The following CSPP1 variants were observed in gnomAD, a reference collection of about 807,000 sequenced individuals.
The protein encoded by CSPP1 is centrosome and spindle pole associated protein 1.
Under a neutral mutation model 164.4 loss-of-function variants are expected in CSPP1, and 126 were observed. The ratio of observed to expected loss-of-function variants is 0.77; its 90% CI spans 0.66 to 0.89. The LOEUF (loss-of-function observed/expected upper bound fraction) is 0.89. Among genes scored for constraint, CSPP1 ranks in the 40% least tolerant of loss-of-function variants. The pLI is 0.00. For missense variants in CSPP1, 1,395 were observed against 1,449.8 expected (o/e 0.96, Z 0.61); for synonymous variants, 472 against 476.7 (o/e 0.99, Z 0.13).
chr8:67,132,567 T>C (rs2129554271), intron 16 of CSPP1, among the ~76,000 whole-genome samples: 1 of 152,276 alleles, frequency 6.6e-6, no homozygotes, highest in Middle Eastern at 3.4e-3. Flanking sequence ...TGGGAAGAGA[T>C]TGGCAGAGAA....
intron 1 of CSPP1, among the ~76,000 whole-genome samples, chr8:67,072,244 C>T (rs1477461043): frequency 2.6e-5 from 4 of 151,480 alleles, no homozygotes; most frequent in East Asian, 2.0e-4. Context: ...AGTGAGATTG[C>T]GCTACTGCAC....
At chr8:67,177,142 T>C (rs1423527593) in intron 26 of CSPP1, among the ~76,000 whole-genome samples, 3 of 151,394 alleles carry the variant, frequency 2.0e-5, no homozygotes, top group African/African-American at 4.9e-5. Flanking sequence ...TTAAAATATC[T>C]GAGAAGGAAT....
intron 21 of CSPP1, among the ~76,000 whole-genome samples, chr8:67,159,765 A>G (rs1029262342): frequency 2.7e-5 from 4 of 149,708 alleles, no homozygotes; most frequent in African/African-American, 9.8e-5. Flanking sequence ...CAGATGATCC[A>G]CCCACCTCTG....
intron 7 of CSPP1, among the ~76,000 whole-genome samples, chr8:67,098,638 A>G (rs1430654443): frequency 4.6e-5 from 7 of 152,004 alleles, no homozygotes; most frequent in Non-Finnish European, 1.0e-4. Flanking sequence ...ATCATGTTTT[A>G]GGAGCTTTCT....
At chr8:67,118,925 T>G in intron 15 of CSPP1, 104 bp downstream of exon 15, 1 of 725,552 alleles carries the variant, frequency 1.4e-6, no homozygotes, top group Non-Finnish European at 2.4e-6. Flanking sequence ...TACTATTTAG[T>G]GGTATTTAAT....
rs758328481 is a variant in CSPP1, at chr8:67,195,535, A to G, written c.3623A>G (p.Gln1208Arg). The change falls in exon 31 of 31, where the codon CAG becomes CGG. Residue 1208 changes from glutamine (Q) to arginine (R), a missense_variant. Coordinates refer to ENST00000678616, the MANE Select transcript of CSPP1 (RefSeq NM_001382391.1). Reference protein sequence around the residue: ...MAEQLNQEQQQIPGKPGTFTW... With the variant: ...MAEQLNQEQQRIPGKPGTFTW... ...GAGCAGCTGAACCAGGAGCAGCAGC[A>G]GATTCCTGGAAAACCAGGCACTTTC... 3 of 1,614,214 alleles carry G rather than the reference A, an allele frequency of 1.9e-6. No homozygotes were observed. Among genetic ancestry groups the G allele is most frequent in the East Asian group, 2.2e-5 (1 of 44,882 alleles).
At chr8:67,091,406 G>A (rs751976611) in intron 4 of CSPP1, among the ~76,000 whole-genome samples, 14 of 152,150 alleles carry the variant, frequency 9.2e-5, no homozygotes, top group Non-Finnish European at 1.8e-4. Context: ...AAAACTTGTG[G>A]CATGCATTAA....
intron 5 of CSPP1, among the ~76,000 whole-genome samples, 179 bp downstream of exon 5, chr8:67,092,062 A>G (rs925863739): frequency 3.4e-4 from 52 of 152,338 alleles, no homozygotes; most frequent in Non-Finnish European, 6.8e-4. Flanking sequence ...ATTTTCTTGA[A>G]CACAACATTT....
rs575741911 is a variant in CSPP1, at chr8:67,105,992, C to T, written c.1093+17C>T. On this transcript the variant is annotated intron_variant, in intron 9 of 30. Coordinates refer to ENST00000678616, the MANE Select transcript of CSPP1 (RefSeq NM_001382391.1). Reference sequence around the variant, plus strand: ...TGCTCTTTGGTAGGCACAAAACTTCCAACTAGTTGCGCTTGTATAGAGTGT... The same window carrying T: ...TGCTCTTTGGTAGGCACAAAACTTCTAACTAGTTGCGCTTGTATAGAGTGT... 7.4e-7 allele frequency: 1 copy of T among 1,353,308 alleles called. No individual in the cohort carries two copies. Among genetic ancestry groups the T allele is most frequent in the Non-Finnish European group, 1.1e-6 (1 of 942,252 alleles). 83.8% of individuals were successfully genotyped at this position (1,353,308 alleles called of 1,614,324 possible).
chr8:67,065,970 C>T (rs1805468629), intron 1 of CSPP1, among the ~76,000 whole-genome samples: 1 of 152,174 alleles, frequency 6.6e-6, no homozygotes, highest in African/African-American at 2.4e-5. Flanking sequence ...CACATTTGAG[C>T]AGATTTCAGA....
Position 67,095,594 on chromosome 8 carries a change from G to A in CSPP1, c.785G>A (p.Arg262Lys), listed in dbSNP as rs369747500. 6.2e-7 allele frequency: 1 copy of A among 1,613,930 alleles called. No individual in the cohort carries two copies. The highest frequency in any genetic ancestry group is 1.3e-5 in the African/African-American group (1 of 74,924). ...KAGIPDRRFH[R>K]FNEDRVFDRR... ...GGCATTCCAGATAGAAGATTTCACA[G>A]ATTTAATGAGGATCGTGTTTTTGAT... is the stretch of plus-strand genomic sequence containing the variant. The change falls in exon 7 of 31, where the codon AGA becomes AAA. Residue 262 changes from arginine to lysine, a missense_variant. Transcript: ENST00000678616.
rs375098958 is a variant in CSPP1 at position 67,139,831 on chromosome 8, C to T, written c.1975+2228C>T. 3.7e-4 allele frequency among the ~76,000 whole-genome samples: 56 copies of T among 152,116 alleles called. 1 individual carries two copies. The East Asian group carries it at 4.1e-3, about 11-fold the overall frequency. On this transcript the variant is annotated intron_variant, in intron 17 of 30. Coordinates refer to ENST00000678616, the MANE Select transcript of CSPP1 (RefSeq NM_001382391.1). ...ACACAGGAAGGGGAACATCACACAC[C>T]GGGGCCTGTTGTGGGGTGAGGGGAG...
intron 15 of CSPP1, among the ~76,000 whole-genome samples, chr8:67,128,566 C>T (rs888034342): frequency 1.3e-5 from 2 of 151,380 alleles, no homozygotes; most frequent in South Asian, 2.1e-4. Context: ...GCTTCTTGGC[C>T]GGGTTCAGTC....
intron 1 of CSPP1, among the ~76,000 whole-genome samples, chr8:67,072,961 G>C: frequency 6.6e-6 from 1 of 151,228 alleles, no homozygotes; most frequent in Non-Finnish European, 1.5e-5. Context: ...TTATATGTAT[G>C]GTAAAAAAAT....
At chr8:67,137,653 A>G (rs750180463) in intron 17 of CSPP1, 50 bp downstream of exon 17, 1 of 1,322,946 alleles carries the variant, frequency 7.6e-7, no homozygotes, top group Middle Eastern at 2.0e-4. Context: ...ATTATTTTTA[A>G]CTTTTTAAAA....
At chr8:67,095,192 G>A in intron 6 of CSPP1, 101 bp from the exon 7 acceptor site, 3 of 598,278 alleles carry the variant, frequency 5.0e-6, no homozygotes, top group Non-Finnish European at 8.5e-6. Context: ...ATAAACATCA[G>A]AGTTGAAATG....
rs149283131 is a variant in CSPP1 at position 67,189,031 on chromosome 8, C to T, written c.3221-1619C>T. Among the ~76,000 whole-genome samples the T allele has an allele frequency of 8.1e-3, 1,233 of 152,248 alleles. 12 individuals carry two copies. The highest frequency in any genetic ancestry group is 0.028 in the African/African-American group (1,172 of 41,534). ...CTTGGGAGTTCTAAGAACAAGGACC[C>T]GCCTGGTAACACATTAAAGAATGTA... On this transcript the variant is annotated intron_variant, in intron 28 of 30. Coordinates refer to ENST00000678616, the MANE Select transcript of CSPP1 (RefSeq NM_001382391.1).
chr8:67,186,356 C>CAGACATGGAAATGGTGGGG (rs1224436584), intron 28 of CSPP1, among the ~76,000 whole-genome samples: 1 of 149,732 alleles, frequency 6.7e-6, no homozygotes, highest in East Asian at 2.0e-4. Flanking sequence ...TAGTGGTGGT[C>CAGACATGGAAATGGTGGGG]AGACATGGAA....
At chr8:67,100,119 CAG>C (rs1813734467) in intron 7 of CSPP1, among the ~76,000 whole-genome samples, 1 of 152,086 alleles carries the variant, frequency 6.6e-6, no homozygotes, top group South Asian at 2.1e-4. Context: ...TTATTGGTGA[CAG>C]AGTGGACTTT....
Sources: gnomAD v4.1 joint callset for allele counts (sites outside exome capture counted in the v4.1 genomes callset) on GRCh38, gnomAD v4.1.1 for gene constraint, MANE v1.5 for transcripts, NCBI Gene and HGNC (gene_info 2026-07-23, HGNC 2026-07-21) for gene names.